DLG2: variants seen among roughly 807,000 people sequenced by gnomAD.
DLG2 encodes the protein disks large homolog 2.
Under a neutral mutation model 132.5 loss-of-function variants are expected in DLG2, and 45 were observed. That is an observed-to-expected ratio of 0.34 (90% CI 0.27 to 0.44). DLG2 has a LOEUF of 0.44. Ranked by LOEUF, DLG2 falls within the 20% of genes least tolerant of loss-of-function variation. The pLI, the probability that DLG2 is intolerant of heterozygous loss-of-function variation, is 1.00. For missense variants in DLG2, 1,045 were observed against 1,196.9 expected, an observed-to-expected ratio of 0.87 and a Z score of 1.87; for synonymous variants, 424 against 419.6, an observed-to-expected ratio of 1.01 and a Z score of -0.13.
At chr11:84,160,232 T>C (rs2095516560) in intron 9 of DLG2, among the ~76,000 whole-genome samples, 1 of 152,108 alleles carries the variant, frequency 6.6e-6, no homozygotes, top group African/African-American at 2.4e-5. Context: ...ACTGGGTATC[T>C]GGAGTGCTGA....
intron 8 of DLG2, among the ~76,000 whole-genome samples, chr11:84,180,636 C>G (rs1424772176): frequency 2.6e-5 from 4 of 152,032 alleles, no homozygotes; most frequent in African/African-American, 9.7e-5. Flanking sequence ...ATTCAAACTT[C>G]AGAAAATCAA....
intron 9 of DLG2, among the ~76,000 whole-genome samples, chr11:84,104,187 T>A (rs2092737660): frequency 6.6e-6 from 1 of 152,008 alleles, no homozygotes; most frequent in South Asian, 2.1e-4. Context: ...CAGGTGACCA[T>A]CAATGGTGGA....
intron 12 of DLG2, among the ~76,000 whole-genome samples, chr11:83,968,766 C>T (rs936984334): frequency 6.6e-6 from 1 of 152,108 alleles, no homozygotes; most frequent in African/African-American, 2.4e-5. Context: ...AGTTTGGCTC[C>T]AGAAACCATG....
chr11:83,786,505 C>T, intron 18 of DLG2, 185 bp downstream of exon 18: 5 of 537,922 alleles, frequency 9.3e-6, no homozygotes, highest in East Asian at 5.8e-5. Flanking sequence ...TGATATTTTC[C>T]TGGAAGATTA....
chr11:83,655,050 A>G (rs533779839), intron 18 of DLG2, among the ~76,000 whole-genome samples: 1 of 152,322 alleles, frequency 6.6e-6, no homozygotes, highest in South Asian at 2.1e-4. Context: ...GTAGACGCTT[A>G]ATAAATGAGG....
chr11:85,077,052 G>C (rs1593734457), intron 6 of DLG2, among the ~76,000 whole-genome samples: 1 of 152,030 alleles, frequency 6.6e-6, no homozygotes, highest in Non-Finnish European at 1.5e-5. Context: ...GTAATGAAGG[G>C]AAAGAGTTGC....
intron 6 of DLG2, among the ~76,000 whole-genome samples, chr11:84,588,741 A>G (rs2099535704): frequency 6.6e-6 from 1 of 151,014 alleles, no homozygotes; most frequent in Non-Finnish European, 1.5e-5. Flanking sequence ...GCCGGCCAAA[A>G]CCCATCAAAA....
intron 8 of DLG2, among the ~76,000 whole-genome samples, chr11:84,178,711 T>C (rs534007027): frequency 6.6e-6 from 1 of 151,574 alleles, no homozygotes; most frequent in African/African-American, 2.4e-5. Flanking sequence ...ACTGCTATGA[T>C]GCCAGGCTTC....
chr11:85,501,167 G>T (rs1022638141), intron 3 of DLG2, among the ~76,000 whole-genome samples: 1 of 152,182 alleles, frequency 6.6e-6, no homozygotes, highest in South Asian at 2.1e-4. Context: ...AAGCAATGGG[G>T]AAAAGATTCC....
intron 7 of DLG2, among the ~76,000 whole-genome samples, chr11:84,489,554 C>T (rs538773364): frequency 6.6e-6 from 1 of 152,178 alleles, no homozygotes; most frequent in East Asian, 1.9e-4. Context: ...TCTCCTCAAC[C>T]TGTCCCCATT....
At chr11:85,536,858 C>T (rs141522080) in intron 3 of DLG2, among the ~76,000 whole-genome samples, 2,159 of 152,322 alleles carry the variant, frequency 0.014, 19 homozygotes, top group South Asian at 0.033. Flanking sequence ...TTGTCTGGGA[C>T]GAGCTCCCTC....
intron 3 of DLG2, among the ~76,000 whole-genome samples, chr11:85,501,426 A>G (rs1255855234): frequency 6.6e-6 from 1 of 152,208 alleles, no homozygotes; most frequent in Non-Finnish European, 1.5e-5. Context: ...AATGGGATCT[A>G]ATTAAACTAA....
chr11:84,912,181 AC>A (rs1464026818), intron 6 of DLG2, among the ~76,000 whole-genome samples: 1 of 151,942 alleles, frequency 6.6e-6, no homozygotes, highest in Admixed American at 6.6e-5. Flanking sequence ...ACGGAGTCTC[AC>A]TCTGTCGCCC....
chr11:83,877,808 T>C (rs1395397909), intron 15 of DLG2, among the ~76,000 whole-genome samples: 1 of 152,202 alleles, frequency 6.6e-6, no homozygotes, highest in Non-Finnish European at 1.5e-5. Context: ...ATAATAGTAA[T>C]GTCCAAGCTA....
chr11:83,844,702 G>A (rs765013038), intron 16 of DLG2, among the ~76,000 whole-genome samples: 10 of 152,056 alleles, frequency 6.6e-5, no homozygotes, highest in Admixed American at 1.3e-4. Flanking sequence ...AAAGATCTTC[G>A]CAATAGATCT....
chr11:83,598,330 C>A (rs1184717654), intron 19 of DLG2, among the ~76,000 whole-genome samples: 1 of 152,224 alleles, frequency 6.6e-6, no homozygotes, highest in African/African-American at 2.4e-5. Context: ...TGAGCACCAT[C>A]TTAAAGTGAA....
chr11:84,855,702 A>T (rs778221160), intron 6 of DLG2, among the ~76,000 whole-genome samples: 1 of 152,042 alleles, frequency 6.6e-6, no homozygotes, highest in African/African-American at 2.4e-5. Context: ...ATCCTCAATT[A>T]CTGTAGCTTC....
At chr11:84,686,177 G>C (rs1189776005) in intron 6 of DLG2, among the ~76,000 whole-genome samples, 1 of 152,184 alleles carries the variant, frequency 6.6e-6, no homozygotes, top group Non-Finnish European at 1.5e-5. Flanking sequence ...CCTCCTGACT[G>C]TAGCTCTGCC....
At chr11:83,997,540 C>T (rs1303364981) in intron 11 of DLG2, among the ~76,000 whole-genome samples, 1 of 151,582 alleles carries the variant, frequency 6.6e-6, no homozygotes, top group Non-Finnish European at 1.5e-5. Flanking sequence ...ACCAGCCTGG[C>T]CAACATGGTG....
Sources: allele counts gnomAD v4.1 joint callset (sites outside exome capture counted in the v4.1 genomes callset), GRCh38; gene constraint gnomAD v4.1.1; transcripts MANE v1.5; gene names NCBI Gene and HGNC (gene_info 2026-07-23, HGNC 2026-07-21).